The following ARHGEF33 variants were observed in gnomAD, a reference collection of about 807,000 sequenced individuals.
ARHGEF33 encodes Rho guanine nucleotide exchange factor 33, also known as DH and coiled-coil domain-containing protein ENSP00000381780.
In ARHGEF33, 72 loss-of-function variants were observed where a neutral mutation model predicts 101.9. The observed-to-expected ratio is 0.71, with a 90% CI of 0.58 to 0.86. The LOEUF (loss-of-function observed/expected upper bound fraction) is 0.86. ARHGEF33 is among the 40% of genes least tolerant of loss of function. The pLI, the probability that ARHGEF33 is intolerant of heterozygous loss-of-function variation, is 0.00. For synonymous variants in ARHGEF33, 499 were observed against 442.5 expected, an observed-to-expected ratio of 1.13 and a Z score of -1.60; for missense variants, 1,169 against 1,111.3, an observed-to-expected ratio of 1.05 and a Z score of -0.74.
At chr2:38,899,186 G>A (rs1666188704) in intron 2 of ARHGEF33, among the ~76,000 whole-genome samples, 1 of 151,970 alleles carries the variant, frequency 6.6e-6, no homozygotes, top group African/African-American at 2.4e-5. Flanking sequence ...CCATGTCAGA[G>A]GAATGTGAAT....
chr2:38,948,826 T>C (rs1667516976), intron 10 of ARHGEF33, among the ~76,000 whole-genome samples: 1 of 152,154 alleles, frequency 6.6e-6, no homozygotes, highest in African/African-American at 2.4e-5. Flanking sequence ...GTACAATCAG[T>C]TGTGTTTTTC....
chr2:38,917,952 CA>C (rs1219262399), intron 2 of ARHGEF33, among the ~76,000 whole-genome samples: 1 of 152,002 alleles, frequency 6.6e-6, no homozygotes, highest in Non-Finnish European at 1.5e-5. Context: ...AAGTGATGAA[CA>C]AAGTTTAAAC....
At chr2:38,899,151 G>A (rs554408621) in intron 2 of ARHGEF33, among the ~76,000 whole-genome samples, 100 of 152,142 alleles carry the variant, frequency 6.6e-4, no homozygotes, top group African/African-American at 2.3e-3. Flanking sequence ...TCAAACTTGT[G>A]TTGAGTGCCC....
intron 2 of ARHGEF33, among the ~76,000 whole-genome samples, chr2:38,917,350 C>T (rs1397557671): frequency 6.6e-6 from 1 of 152,072 alleles, no homozygotes; most frequent in Non-Finnish European, 1.5e-5. Context: ...CCTCAGCCTC[C>T]CAAAGTGCTG....
At chr2:38,936,084 A>G (rs1180481545) in intron 8 of ARHGEF33, among the ~76,000 whole-genome samples, 1 of 152,222 alleles carries the variant, frequency 6.6e-6, no homozygotes, top group African/African-American at 2.4e-5. Context: ...GGCTTATTTC[A>G]ATGACTAATA....
At chr2:38,936,531 C>A (rs1312197883) in intron 8 of ARHGEF33, among the ~76,000 whole-genome samples, 1 of 152,108 alleles carries the variant, frequency 6.6e-6, no homozygotes, top group Non-Finnish European at 1.5e-5. Context: ...TTAAAAAGCT[C>A]CTTATATAGT....
intron 4 of ARHGEF33, among the ~76,000 whole-genome samples, chr2:38,926,952 G>T (rs1666887575): frequency 6.6e-6 from 1 of 152,062 alleles, no homozygotes; most frequent in South Asian, 2.1e-4. Flanking sequence ...GCTCACAGAA[G>T]ATACATTTAC....
chr2:38,965,356 C>T (rs1274746902), intron 16 of ARHGEF33, among the ~76,000 whole-genome samples: 2 of 152,186 alleles, frequency 1.3e-5, no homozygotes, highest in Admixed American at 1.3e-4. Flanking sequence ...AGAGAGGTCA[C>T]AAAAGATACA....
chr2:38,942,670 A>G (rs918924495), intron 9 of ARHGEF33, among the ~76,000 whole-genome samples: 1 of 152,062 alleles, frequency 6.6e-6, no homozygotes, highest in African/African-American at 2.4e-5. Flanking sequence ...AAGATTAAAA[A>G]TTTTTATTCT....
At chr2:38,917,666 C>A (rs1666666294) in intron 2 of ARHGEF33, among the ~76,000 whole-genome samples, 9 of 151,080 alleles carry the variant, frequency 6.0e-5, no homozygotes, top group Admixed American at 5.9e-4. Context: ...CCTGTCTCTA[C>A]AAAAATAAAA....
chr2:38,964,296 A>AC (rs1259949335), intron 16 of ARHGEF33, among the ~76,000 whole-genome samples: 2 of 152,102 alleles, frequency 1.3e-5, no homozygotes. Flanking sequence ...TTTTAAGGCC[A>AC]CCAGATGCAG....
At chr2:38,936,288 G>C (rs1431701266) in intron 8 of ARHGEF33, among the ~76,000 whole-genome samples, 2 of 152,176 alleles carry the variant, frequency 1.3e-5, no homozygotes, top group Non-Finnish European at 2.9e-5. Context: ...TTACTTAATT[G>C]ACAATTCACC....
Position 38,956,938 on chromosome 2 carries a change from TA to T in ARHGEF33, c.1262del (p.Tyr421PhefsTer94). ...KFTEQEHPDY[Y>X]LLLVCVQRLR... ...CACAGAGCAGGAGCACCCTGACTAT[TA>T]TCTACTACTGGTGTGTGTCCAGCGC... On this transcript the variant is annotated frameshift_variant, in exon 14 of 18. Transcript: ENST00000409978. LOFTEE classifies it high-confidence loss of function. 6.4e-7 allele frequency: 1 copy of T among 1,552,394 alleles called. No homozygotes were observed. Among genetic ancestry groups the T allele is most frequent in the Non-Finnish European group, 8.7e-7 (1 of 1,147,146 alleles).
In ARHGEF33 at chr2:38,896,340, G is replaced by A. The variant is rs187638811; in HGVS notation, c.-86+491G>A. On this transcript the variant is annotated intron_variant, in intron 2 of 17. Transcript: ENST00000409978. ...TTTTATAGAGACAGGGTTTCACCAT[G>A]TTGGCCAGGCTGGTCTTGAACTCCT... 7.8e-4 allele frequency among the ~76,000 whole-genome samples: 119 copies of A among 152,282 alleles called. 1 individual carries two copies. Among genetic ancestry groups the A allele is most frequent in the Admixed American group, 6.5e-3 (100 of 15,300 alleles).
intron 2 of ARHGEF33, among the ~76,000 whole-genome samples, chr2:38,913,917 A>G (rs1375379266): frequency 6.6e-6 from 1 of 152,224 alleles, no homozygotes; most frequent in Non-Finnish European, 1.5e-5. Flanking sequence ...TTAAAAAAAA[A>G]AGGCAGATAA....
intron 7 of ARHGEF33, among the ~76,000 whole-genome samples, chr2:38,935,388 T>C (rs1667106599): frequency 6.6e-6 from 1 of 151,636 alleles, no homozygotes; most frequent in South Asian, 2.1e-4. Context: ...GGGGTAGAGA[T>C]GGAGTTTTGT....
At chr2:38,921,280 G>C in intron 3 of ARHGEF33, 94 bp from the exon 4 acceptor site, 1 of 787,462 alleles carries the variant, frequency 1.3e-6, no homozygotes, top group Non-Finnish European at 2.2e-6. Flanking sequence ...CACAAATGTA[G>C]GATCCTGTAA....
chr2:38,935,046 G>GT (rs1182348457), intron 7 of ARHGEF33, among the ~76,000 whole-genome samples: 1 of 128,064 alleles, frequency 7.8e-6, no homozygotes, highest in African/African-American at 2.9e-5. Context: ...AGTAGGTGCA[G>GT]TTAAAAAAAA....
At chr2:38,904,106 T>C (rs570130294) in intron 2 of ARHGEF33, among the ~76,000 whole-genome samples, 1 of 152,220 alleles carries the variant, frequency 6.6e-6, no homozygotes, top group African/African-American at 2.4e-5. Flanking sequence ...AAAATTTGTT[T>C]TGATTCCTAT....
Sources: gnomAD v4.1 joint callset for allele counts (sites outside exome capture counted in the v4.1 genomes callset) on GRCh38, gnomAD v4.1.1 for gene constraint, MANE v1.5 for transcripts, NCBI Gene and HGNC (gene_info 2026-07-23, HGNC 2026-07-21) for gene names.